RTN4RL2: variants seen among roughly 807,000 people sequenced by gnomAD.
The protein encoded by RTN4RL2 is reticulon 4 receptor like 2, also known as reticulon-4 receptor-like 2.
In RTN4RL2, 9 loss-of-function variants were observed where a neutral mutation model predicts 27.8. That is an observed-to-expected ratio of 0.32 (90% confidence interval 0.20 to 0.57). The LOEUF is 0.57. RTN4RL2 is among the 20% of genes least tolerant of loss of function. The pLI is 0.90. For missense variants in RTN4RL2, 436 were observed against 596.8 expected (o/e 0.73, Z 2.81); for synonymous variants, 285 against 297.9 (o/e 0.96, Z 0.45).
rs1488515016 is a variant in RTN4RL2, at chr11:57,469,297, G to A, written c.513+1207G>A. On this transcript the variant is annotated intron_variant, in intron 2 of 2. Transcript: ENST00000335099. ...GAGGAGGGAAAGAAGTAAAATGCAC[G>A]GTATATTGGAAAAATATGTCTTATA... 3.3e-5 allele frequency among the ~76,000 whole-genome samples: 5 copies of A among 152,250 alleles called. No homozygotes were observed. The East Asian group carries it at 5.8e-4, about 18-fold the overall frequency.
In RTN4RL2 at chr11:57,476,602, G is replaced by C. The variant is rs370242778; in HGVS notation, c.954G>C (p.Pro318=). Residue 318 remains proline, a synonymous_variant, in exon 3 of 3, where the codon CCG becomes CCC. Transcript: ENST00000335099. This position sits in a 1 kb window ranked among gnomAD's most constrained non-coding sequence, Gnocchi z 8.2. ...QACPPAAPTR[P]GSRARGNSSS... is the part of the protein sequence containing the mutation. ...GTCCGCCCGCGGCACCCACGCGGCC[G>C]GGCAGCCGCGCCCGCGGCAACAGCT... 2.1e-6 allele frequency: 3 copies of C among 1,401,250 alleles called. No individual in the cohort carries two copies. The highest frequency in any genetic ancestry group is 3.4e-5 in the Admixed American group (1 of 29,282). The allele number at this position is 1,401,250 out of a possible 1,614,324, so 86.8% of individuals were successfully genotyped here.
At chr11:57,465,351 A>G (rs1943514685) in intron 1 of RTN4RL2, among the ~76,000 whole-genome samples, 1 of 152,080 alleles carries the variant, frequency 6.6e-6, no homozygotes, top group Admixed American at 6.5e-5. Context: ...ACACAAAACC[A>G]CCACTAAGCA....
Position 57,476,326 on chromosome 11 carries a change from C to A in RTN4RL2, c.678C>A (p.Leu226=), listed in dbSNP as rs1270875134. 6.2e-7 allele frequency: 1 copy of A among 1,611,120 alleles called. No homozygotes were observed. Among genetic ancestry groups the A allele is most frequent in the South Asian group, 1.1e-5 (1 of 90,986 alleles). ...QGVHRAAFRG[L]SRLTILYLFN... ...TGCACCGCGCGGCCTTCCGCGGCCT[C>A]AGCCGCCTCACCATCCTCTACCTGT... Residue 226 remains leucine (L), a synonymous_variant, in exon 3 of 3, where the codon CTC becomes CTA. Coordinates refer to ENST00000335099, the MANE Select transcript of RTN4RL2 (RefSeq NM_178570.3). This position sits in a 1 kb window ranked among gnomAD's most constrained non-coding sequence, Gnocchi z 8.2.
rs756095849 is a variant in RTN4RL2 at position 57,467,814 on chromosome 11, C to T, written c.237C>T (p.Thr79=). The T allele has an allele frequency of 1.2e-6, 2 of 1,614,206 alleles. No individual in the cohort carries two copies. Among genetic ancestry groups the T allele is most frequent in the East Asian group, 2.2e-5 (1 of 44,876 alleles). Residue 79 remains threonine (T), a synonymous_variant, in exon 2 of 3, where the codon ACC becomes ACT. Coordinates refer to ENST00000335099, the MANE Select transcript of RTN4RL2 (RefSeq NM_178570.3). The surrounding 1 kb of genome is among the most constrained non-coding windows in gnomAD (Gnocchi z 5.5). ...NNLIRTLRPG[T]FGSNLLTLWL... is the part of the protein sequence containing the mutation. ...TCATCCGCACGCTGCGGCCAGGCAC[C>T]TTTGGGTCCAACCTGCTCACCCTGT...
rs1943593808 is a variant in RTN4RL2 at position 57,476,180 on chromosome 11, C to T, written c.532C>T (p.Leu178=). 6.2e-7 allele frequency: 1 copy of T among 1,607,534 alleles called. No individual in the cohort carries two copies. Among genetic ancestry groups the T allele is most frequent in the Admixed American group, 1.7e-5 (1 of 59,492 alleles). The change falls in exon 3 of 3, where the codon CTG becomes TTG. Residue 178 remains leucine (L), a synonymous_variant. Transcript: ENST00000335099. The surrounding 1 kb of genome is among the most constrained non-coding windows in gnomAD (Gnocchi z 8.2). ...LHLQDDLFAD[L]ANLSHLFLHG... ...CACCCAGGATGACTTGTTCGCGGAC[C>T]TGGCCAACCTGAGCCACCTCTTCCT...
intron 2 of RTN4RL2, among the ~76,000 whole-genome samples, chr11:57,470,310 C>T (rs1168274076): frequency 2.6e-5 from 4 of 152,042 alleles, no homozygotes; most frequent in African/African-American, 2.4e-5. Context: ...TGCAGTAGTG[C>T]GATCTCGGCT....
chr11:57,473,790 C>G (rs188561872), intron 2 of RTN4RL2, among the ~76,000 whole-genome samples: 101 of 152,074 alleles, frequency 6.6e-4, no homozygotes, highest in Non-Finnish European at 1.1e-3. Flanking sequence ...AGGGGCAGGA[C>G]TTTTTGCAGA....
intron 2 of RTN4RL2, among the ~76,000 whole-genome samples, chr11:57,475,176 C>T (rs1481070805): frequency 6.6e-6 from 1 of 152,214 alleles, no homozygotes; most frequent in East Asian, 1.9e-4. Flanking sequence ...TATCATCCAA[C>T]CCTCCTTTAG....
At chr11:57,463,803 G>A (rs1448611676) in intron 1 of RTN4RL2, among the ~76,000 whole-genome samples, 1 of 152,084 alleles carries the variant, frequency 6.6e-6, no homozygotes, top group African/African-American at 2.4e-5. Flanking sequence ...GGCAGGGCAG[G>A]GACTGAGGGC....
chr11:57,476,710 A>G lies in RTN4RL2; in HGVS notation c.1062A>G (p.Glu354=). 7.0e-7 allele frequency: 1 copy of G among 1,437,926 alleles called. No individual in the cohort carries two copies. The highest frequency in any genetic ancestry group is 1.5e-5 in the African/African-American group (1 of 67,298). The allele number at this position is 1,437,926 out of a possible 1,614,324, so 89.1% of individuals were successfully genotyped here. Residue 354 remains glutamate (E), a synonymous_variant, in exon 3 of 3, where the codon GAA becomes GAG. Transcript: ENST00000335099. The surrounding 1 kb of genome is among the most constrained non-coding windows in gnomAD (Gnocchi z 8.2). ...CCCTCTACCGAGATCTGCCTGCCGAAGACTCGCGGGGGCGCCAGGGCGGGG... is the reference window on the plus strand; with the variant it reads ...CCCTCTACCGAGATCTGCCTGCCGAGGACTCGCGGGGGCGCCAGGGCGGGG... ...PSTLYRDLPA[E]DSRGRQGGDA...
At chr11:57,468,137 C>T (rs973580658) in intron 2 of RTN4RL2, 47 bp downstream of exon 2, 16 of 1,537,828 alleles carry the variant, frequency 1.0e-5, no homozygotes, top group Non-Finnish European at 1.3e-5. Context: ...GGTTTCCTCT[C>T]TCTGTGGGCC....
intron 1 of RTN4RL2, among the ~76,000 whole-genome samples, chr11:57,461,708 C>T (rs764762396): frequency 2.0e-5 from 3 of 151,894 alleles, no homozygotes; most frequent in Non-Finnish European, 4.4e-5. Flanking sequence ...GAAAGAGAAT[C>T]AGGACTGGGA....
At chr11:57,466,032 G>A (rs190612055) in intron 1 of RTN4RL2, among the ~76,000 whole-genome samples, 3 of 121,744 alleles carry the variant, frequency 2.5e-5, no homozygotes, top group South Asian at 2.5e-4. Context: ...ACAGAGTCTC[G>A]CTGTGTCACC....
intron 2 of RTN4RL2, among the ~76,000 whole-genome samples, chr11:57,473,667 GA>G (rs1943577782): frequency 6.6e-6 from 1 of 151,994 alleles, no homozygotes; most frequent in South Asian, 2.1e-4. Context: ...TAACAGTGGA[GA>G]GAGGAAGGAC....
chr11:57,463,350 T>C (rs1437602789), intron 1 of RTN4RL2, among the ~76,000 whole-genome samples: 2 of 152,154 alleles, frequency 1.3e-5, no homozygotes, highest in African/African-American at 4.8e-5. Flanking sequence ...GCTCTAGCCA[T>C]CCCCTGCTGA....
intron 1 of RTN4RL2, among the ~76,000 whole-genome samples, chr11:57,465,150 C>T (rs1943512586): frequency 6.6e-6 from 1 of 151,922 alleles, no homozygotes; most frequent in African/African-American, 2.4e-5. Flanking sequence ...CCTGTGTGCT[C>T]CCCCCTCTGG....
At chr11:57,465,137 G>T (rs952945411) in intron 1 of RTN4RL2, among the ~76,000 whole-genome samples, 1 of 152,118 alleles carries the variant, frequency 6.6e-6, no homozygotes, top group South Asian at 2.1e-4. Context: ...CTTCCACCCC[G>T]CACCTGTGTG....
In RTN4RL2 at chr11:57,477,206, C is replaced by A. The variant is rs371791565; in HGVS notation, c.*295C>A. 7 of 363,832 alleles carry A rather than the reference C, an allele frequency of 1.9e-5. No homozygotes were observed. In the East Asian group the frequency reaches 2.2e-4, roughly 12 times the overall value. 22.5% of individuals were successfully genotyped at this position (363,832 alleles called of 1,614,324 possible). On this transcript the variant is annotated 3_prime_UTR_variant, in exon 3 of 3. Coordinates refer to ENST00000335099, the MANE Select transcript of RTN4RL2 (RefSeq NM_178570.3). ...GTGGGGCCCCCCAGGCAGCCGCTGA[C>A]CCGCACTCCTAAGGGCCCACAGCGG...
chr11:57,466,463 C>G (rs1017385691), intron 1 of RTN4RL2, among the ~76,000 whole-genome samples: 1 of 152,198 alleles, frequency 6.6e-6, no homozygotes, highest in Admixed American at 6.5e-5. Flanking sequence ...GAGCAAGACC[C>G]TGTCTCCAAA....
Sources: allele counts gnomAD v4.1 joint callset (sites outside exome capture counted in the v4.1 genomes callset), GRCh38; gene constraint gnomAD v4.1.1; non-coding constraint Gnocchi (gnomAD v3.1); transcripts MANE v1.5; gene names NCBI Gene and HGNC (gene_info 2026-07-23, HGNC 2026-07-21).